Variants in TIMP3 observed in about 807,000 individuals in gnomAD.
The protein encoded by TIMP3 is metalloproteinase inhibitor 3.
TIMP3 carries 11 observed loss-of-function variants against 30.0 expected under a neutral mutation model. The observed-to-expected ratio is 0.37, with a 90% confidence interval of 0.23 to 0.61. The LOEUF (loss-of-function observed/expected upper bound fraction) is 0.61, where lower values mean the gene tolerates loss of function less well. Ranked by LOEUF, TIMP3 falls within the 20% of genes least tolerant of loss-of-function variation. The pLI, the probability that TIMP3 is intolerant of heterozygous loss-of-function variation, is 0.70. For missense variants in TIMP3, 181 were observed against 276.8 expected (o/e 0.65, Z 2.45); for synonymous variants, 112 against 111.3 (o/e 1.01, Z -0.04).
At chr22:32,813,800 C>T (rs2046981401) in intron 1 of TIMP3, among the ~76,000 whole-genome samples, 1 of 152,080 alleles carries the variant, frequency 6.6e-6, no homozygotes, top group Non-Finnish European at 1.5e-5. Context: ...AAGTTAATTC[C>T]CTGGTCTCAT....
In TIMP3 at chr22:32,802,121, C is replaced by G; in HGVS notation, c.120C>G (p.Ile40Met). The change falls in exon 1 of 5, where the codon ATC becomes ATG. Residue 40 changes from isoleucine (I) to methionine (M), a missense_variant and splice_region_variant. Transcript: ENST00000266085. Reference sequence around the variant, plus strand: ...AGGACGCCTTCTGCAACTCCGACATCGGTAAGCGCTCCTGGTGCCCCGCCC... The same window carrying G: ...AGGACGCCTTCTGCAACTCCGACATGGGTAAGCGCTCCTGGTGCCCCGCCC... ...HPQDAFCNSD[I>M]VIRAKVVGKK... 3.2e-6 allele frequency: 5 copies of G among 1,581,970 alleles called. No individual in the cohort carries two copies. Among genetic ancestry groups the G allele is most frequent in the Non-Finnish European group, 2.6e-6 (3 of 1,169,898 alleles).
At chr22:32,832,179 T>A (rs2047592832) in intron 1 of TIMP3, among the ~76,000 whole-genome samples, 1 of 152,222 alleles carries the variant, frequency 6.6e-6, no homozygotes, top group African/African-American at 2.4e-5. Flanking sequence ...AAGAGGCAGC[T>A]GAAGCATCCT....
chr22:32,857,424 A>G, intron 3 of TIMP3, 64 bp downstream of exon 3: 3 of 1,214,654 alleles, frequency 2.5e-6, no homozygotes, highest in Non-Finnish European at 3.7e-6. Flanking sequence ...TTGACTTCAG[A>G]AGAACACATA....
intron 1 of TIMP3, among the ~76,000 whole-genome samples, chr22:32,823,913 T>C (rs242087): frequency 0.93 from 141,833 of 152,226 alleles, 66,152 homozygotes; most frequent in Middle Eastern, 0.95. Flanking sequence ...GACACCTATA[T>C]GTCTAAGGGT....
At chr22:32,852,137 C>G (rs1422774961) in intron 2 of TIMP3, among the ~76,000 whole-genome samples, 1 of 152,198 alleles carries the variant, frequency 6.6e-6, no homozygotes, top group Non-Finnish European at 1.5e-5. Flanking sequence ...TAGATAACAC[C>G]TTGTCCTCTG....
intron 2 of TIMP3, among the ~76,000 whole-genome samples, chr22:32,854,170 A>G (rs1344997588): frequency 6.6e-6 from 1 of 152,172 alleles, no homozygotes; most frequent in African/African-American, 2.4e-5. Flanking sequence ...AGAAAACACA[A>G]CTGAGTAGAA....
At chr22:32,829,166 C>A (rs1424196518) in intron 1 of TIMP3, among the ~76,000 whole-genome samples, 1 of 152,102 alleles carries the variant, frequency 6.6e-6, no homozygotes, top group Admixed American at 6.5e-5. Flanking sequence ...CTTAGCAGCT[C>A]CCCCATCCCA....
chr22:32,853,536 A>G (rs1307561909), intron 2 of TIMP3, among the ~76,000 whole-genome samples: 2 of 152,234 alleles, frequency 1.3e-5, no homozygotes, highest in Non-Finnish European at 2.9e-5. Flanking sequence ...CCTTCACTCC[A>G]AGGGAAGCTA....
At chr22:32,825,023 C>A (rs552350262) in intron 1 of TIMP3, among the ~76,000 whole-genome samples, 13 of 152,294 alleles carry the variant, frequency 8.5e-5, no homozygotes, top group South Asian at 2.1e-4. Context: ...GACCCTGGAA[C>A]TTTGAAATCG....
chr22:32,814,166 G>C (rs1359360281), intron 1 of TIMP3, among the ~76,000 whole-genome samples: 1 of 102,708 alleles, frequency 9.7e-6, no homozygotes, highest in Non-Finnish European at 1.9e-5. Flanking sequence ...GAGAGAGAGA[G>C]AAAGAGAAAG....
chr22:32,834,722 G>T (rs2047679632), intron 1 of TIMP3, among the ~76,000 whole-genome samples: 1 of 152,204 alleles, frequency 6.6e-6, no homozygotes, highest in Admixed American at 6.5e-5. Flanking sequence ...CCTGTGCTTT[G>T]CAGGGAGAGG....
At chr22:32,848,121 TCACA>T (rs903598687) in intron 1 of TIMP3, among the ~76,000 whole-genome samples, 3 of 152,254 alleles carry the variant, frequency 2.0e-5, no homozygotes, top group African/African-American at 7.2e-5. Flanking sequence ...TGCTTCTTTT[TCACA>T]CAACGTAGAA....
chr22:32,860,005 G>GCA lies in TIMP3; in HGVS notation c.*637_*638dup, dbSNP rs965462727. ...CTACAAGAGAGTCGGAGATGATGCA[G>GCA]CACACACACAATTCCCCAGCCCAGT... On this transcript the variant is annotated 3_prime_UTR_variant, in exon 5 of 5. Coordinates refer to ENST00000266085, the MANE Select transcript of TIMP3 (RefSeq NM_000362.5). The GCA allele has an allele frequency of 1.9e-5, 3 of 153,978 alleles. No individual in the cohort carries two copies. Among genetic ancestry groups the GCA allele is most frequent in the African/African-American group, 7.2e-5 (3 of 41,586 alleles). The allele number at this position is 153,978 out of a possible 1,614,324, so 9.5% of individuals were successfully genotyped here.
intron 1 of TIMP3, among the ~76,000 whole-genome samples, chr22:32,814,079 C>A (rs1468970835): frequency 7.2e-6 from 1 of 139,848 alleles, no homozygotes; most frequent in Non-Finnish European, 1.5e-5. Context: ...TTGAGAAAGA[C>A]AGCATTCCAG....
At chr22:32,810,876 A>C (rs1232236776) in intron 1 of TIMP3, among the ~76,000 whole-genome samples, 2 of 152,186 alleles carry the variant, frequency 1.3e-5, no homozygotes, top group African/African-American at 4.8e-5. Context: ...ATCATGAATA[A>C]GCTCCCTGCC....
chr22:32,851,617 A>T (rs2048220434), intron 2 of TIMP3, among the ~76,000 whole-genome samples: 1 of 152,108 alleles, frequency 6.6e-6, no homozygotes, highest in African/African-American at 2.4e-5. Context: ...CCCTCGTCTT[A>T]CTTCTGACAG....
intron 3 of TIMP3, 141 bp from the exon 4 acceptor site, chr22:32,857,867 AGGTGTTGGG>A: frequency 8.5e-7 from 1 of 1,179,342 alleles, no homozygotes. Context: ...CCATTTTAAA[AGGTGTTGGG>A]TAGGGTGAAA....
intron 1 of TIMP3, among the ~76,000 whole-genome samples, chr22:32,826,759 G>A (rs1265155195): frequency 1.3e-5 from 2 of 152,252 alleles, no homozygotes; most frequent in Non-Finnish European, 2.9e-5. Context: ...GCACCAGGGC[G>A]TCCACTATCC....
intron 2 of TIMP3, among the ~76,000 whole-genome samples, chr22:32,849,841 A>G (rs1271403765): frequency 2.6e-5 from 4 of 152,164 alleles, no homozygotes; most frequent in Non-Finnish European, 5.9e-5. Flanking sequence ...ACCTTGGTCA[A>G]GTCACTGCCC....
Sources: gnomAD v4.1 joint callset for allele counts (sites outside exome capture counted in the v4.1 genomes callset) on GRCh38, gnomAD v4.1.1 for gene constraint, MANE v1.5 for transcripts, NCBI Gene and HGNC (gene_info 2026-07-23, HGNC 2026-07-21) for gene names.